G2E3: variants seen among roughly 807,000 people sequenced by gnomAD.
G2E3 encodes G2/M-phase specific E3 ubiquitin protein ligase.
A neutral mutation model predicts 92.8 loss-of-function variants in G2E3; 35 were observed. That is an observed-to-expected ratio of 0.38 (90% CI 0.29 to 0.50). The LOEUF is 0.50. Among genes scored for constraint, G2E3 ranks in the 20% least tolerant of loss-of-function variants. The pLI, the probability that G2E3 is intolerant of heterozygous loss-of-function variation, is 0.94. For synonymous variants in G2E3, 242 were observed against 272.4 expected (o/e 0.89, Z 1.10); for missense variants, 554 against 823.8 (o/e 0.67, Z 4.01).
intron 1 of G2E3, among the ~76,000 whole-genome samples, chr14:30,579,245 A>G (rs1880293083): frequency 6.6e-6 from 1 of 152,196 alleles, no homozygotes; most frequent in Non-Finnish European, 1.5e-5. Flanking sequence ...TAGGAAAAAT[A>G]GTACTCTAGA....
At chr14:30,568,897 T>A (rs9806012) in intron 1 of G2E3, among the ~76,000 whole-genome samples, 5,587 of 152,212 alleles carry the variant, frequency 0.037, 323 homozygotes, top group African/African-American at 0.12. Context: ...GTGTTTTTAT[T>A]TCCTCGTATG....
intron 6 of G2E3, among the ~76,000 whole-genome samples, chr14:30,596,135 CGTGT>C (rs59672554): frequency 0.045 from 5,752 of 127,148 alleles, 200 homozygotes; most frequent in African/African-American, 0.088. Context: ...GGTGGGTGTG[CGTGT>C]GTGTGTGTGT....
chr14:30,587,951 A>G (rs573088054), intron 3 of G2E3, among the ~76,000 whole-genome samples: 68 of 152,338 alleles, frequency 4.5e-4, no homozygotes, highest in African/African-American at 1.6e-3. Flanking sequence ...AATTGTGGAC[A>G]TATTTTCAAA....
At chr14:30,582,552 C>T (rs1342923495) in intron 2 of G2E3, among the ~76,000 whole-genome samples, 2 of 152,182 alleles carry the variant, frequency 1.3e-5, no homozygotes, top group African/African-American at 2.4e-5. Context: ...TCAGCCAGTT[C>T]ACAAGGACTC....
intron 11 of G2E3, among the ~76,000 whole-genome samples, chr14:30,607,536 TAGG>T (rs1881887582): frequency 6.6e-6 from 1 of 152,118 alleles, no homozygotes; most frequent in Non-Finnish European, 1.5e-5. Context: ...CACTAGGTCA[TAGG>T]AGTTTTTCAG....
At chr14:30,565,609 A>AT (rs1474658359) in intron 1 of G2E3, among the ~76,000 whole-genome samples, 1 of 68,100 alleles carries the variant, frequency 1.5e-5, no homozygotes, top group African/African-American at 6.0e-5. Context: ...TTTCGAGTTG[A>AT]TTTTTTTTAA....
At position 30,605,848 on chromosome 14, in the gene G2E3, T is replaced by C. The variant is rs112717751; in HGVS notation, c.1318+36T>C. 23 of 1,097,434 alleles carry C rather than the reference T, an allele frequency of 2.1e-5. No homozygotes were observed. The African/African-American group carries it at 3.6e-4, about 17-fold the overall frequency. 68.0% of individuals were successfully genotyped at this position (1,097,434 alleles called of 1,614,324 possible). A position where few individuals can be genotyped will look rare whatever the true frequency, so the allele number is the denominator to read the frequency against. The stretch of plus-strand genomic sequence containing the variant: ...TATTTATTGTTGTATATACCAAATA[T>C]CACATGTATAGAAAAAGAGATAGAT... On this transcript the variant is annotated intron_variant, in intron 11 of 14. Coordinates refer to ENST00000206595, the MANE Select transcript of G2E3 (RefSeq NM_017769.5).
At chr14:30,597,370 T>G (rs1594496574) in intron 6 of G2E3, 50 bp from the exon 7 acceptor site, 1 of 895,998 alleles carries the variant, frequency 1.1e-6, no homozygotes, top group East Asian at 2.4e-5. Context: ...ATATATCACC[T>G]GATAACAGAT....
chr14:30,580,451 C>T (rs761944729), intron 1 of G2E3, among the ~76,000 whole-genome samples: 3 of 152,100 alleles, frequency 2.0e-5, no homozygotes, highest in Non-Finnish European at 2.9e-5. Context: ...GGTGATCCAC[C>T]TGCCTCAGCC....
intron 3 of G2E3, among the ~76,000 whole-genome samples, chr14:30,588,308 T>C (rs1880827567): frequency 6.6e-6 from 1 of 152,128 alleles, no homozygotes; most frequent in Non-Finnish European, 1.5e-5. Context: ...TATTTTACTT[T>C]TTATGCAGTA....
At chr14:30,615,884 C>G (rs1278866389) in intron 14 of G2E3, among the ~76,000 whole-genome samples, 4 of 152,076 alleles carry the variant, frequency 2.6e-5, no homozygotes, top group African/African-American at 9.7e-5. Flanking sequence ...ATTCTTCACC[C>G]ACTGGTCAGG....
At chr14:30,596,536 G>A (rs541166951) in intron 6 of G2E3, among the ~76,000 whole-genome samples, 1 of 152,212 alleles carries the variant, frequency 6.6e-6, no homozygotes, top group East Asian at 1.9e-4. Context: ...TCCTTGGAAT[G>A]TCTTTTGTCC....
chr14:30,592,355 A>C lies in G2E3; in HGVS notation c.270A>C (p.Ser90=). The change falls in exon 5 of 15, where the codon TCA becomes TCC. Residue 90 remains serine (S), a synonymous_variant. Transcript: ENST00000206595. ...GTGTTTGCAAGAAAAATGGTGCTTCAATTGGATGTGTTGCACCCCGATGTA... is the reference window on the plus strand; with the variant it reads ...GTGTTTGCAAGAAAAATGGTGCTTCCATTGGATGTGTTGCACCCCGATGTA... ...KCCVCKKNGA[S]IGCVAPRCKR... 6.2e-7 allele frequency: 1 copy of C among 1,612,382 alleles called. No individual in the cohort carries two copies. Among genetic ancestry groups the C allele is most frequent in the Non-Finnish European group, 8.5e-7 (1 of 1,178,834 alleles).
rs1460260014 is a variant in G2E3, at chr14:30,619,385, C to A, written c.*2851C>A. 3 of 152,064 alleles carry A rather than the reference C, an allele frequency of 2.0e-5. No individual in the cohort carries two copies. The highest frequency in any genetic ancestry group is 7.2e-5 in the African/African-American group (3 of 41,432). 9.4% of individuals were successfully genotyped at this position (152,064 alleles called of 1,614,324 possible). A position where few individuals can be genotyped will look rare whatever the true frequency, so the allele number is the denominator to read the frequency against. Reference sequence around the variant, plus strand: ...TTTCAGTGACTGTGCCTTTAGCATTCAGTCATTATAAGAAAATGATCAGAA... The same window carrying A: ...TTTCAGTGACTGTGCCTTTAGCATTAAGTCATTATAAGAAAATGATCAGAA... On this transcript the variant is annotated 3_prime_UTR_variant, in exon 15 of 15. Coordinates refer to ENST00000206595, the MANE Select transcript of G2E3 (RefSeq NM_017769.5).
intron 6 of G2E3, 128 bp downstream of exon 6, chr14:30,593,767 A>C (rs377291594): frequency 1.5e-6 from 1 of 655,516 alleles, no homozygotes; most frequent in Non-Finnish European, 2.6e-6. Flanking sequence ...AAACAGCTTT[A>C]AAGCACTTAA....
intron 1 of G2E3, among the ~76,000 whole-genome samples, chr14:30,567,165 G>A (rs754278638): frequency 6.6e-6 from 1 of 152,114 alleles, no homozygotes; most frequent in African/African-American, 2.4e-5. Context: ...TCTGGCTTTG[G>A]TATCGGGGTA....
chr14:30,564,399 C>T (rs912906249), intron 1 of G2E3, among the ~76,000 whole-genome samples: 3 of 152,192 alleles, frequency 2.0e-5, no homozygotes, highest in African/African-American at 7.2e-5. Flanking sequence ...GTGGCACAAT[C>T]ATAGTTCACT....
At chr14:30,589,812 C>T (rs1282343136) in intron 4 of G2E3, among the ~76,000 whole-genome samples, 2 of 152,040 alleles carry the variant, frequency 1.3e-5, no homozygotes, top group African/African-American at 2.4e-5. Flanking sequence ...CTCCACTCTG[C>T]TGTTCTCTAA....
At chr14:30,592,243 G>A in intron 4 of G2E3, 80 bp from the exon 5 acceptor site, 1 of 1,189,168 alleles carries the variant, frequency 8.4e-7, no homozygotes, top group Non-Finnish European at 1.2e-6. Context: ...TCCCCACCAG[G>A]AGTATTTATT....
Sources: gnomAD v4.1 joint callset for allele counts (sites outside exome capture counted in the v4.1 genomes callset) on GRCh38, gnomAD v4.1.1 for gene constraint, MANE v1.5 for transcripts, NCBI Gene and HGNC (gene_info 2026-07-23, HGNC 2026-07-21) for gene names.